CDH22: variants seen among roughly 807,000 people sequenced by gnomAD.
The protein encoded by CDH22 is cadherin-22.
CDH22 carries 30 observed loss-of-function variants against 58.4 expected under a neutral mutation model. That is an observed-to-expected ratio of 0.51 (90% CI 0.38 to 0.70). The LOEUF (loss-of-function observed/expected upper bound fraction) is 0.70, where lower values mean the gene tolerates loss of function less well. Ranked by LOEUF, CDH22 falls within the 30% of genes least tolerant of loss-of-function variation. CDH22 has a pLI of 0.00. For missense variants in CDH22, 1,014 were observed against 1,233.9 expected, an observed-to-expected ratio of 0.82 and a Z score of 2.67; for synonymous variants, 513 against 558.2, an observed-to-expected ratio of 0.92 and a Z score of 1.14.
Position 46,174,854 on chromosome 20 carries a change from G to GCCC in CDH22, c.2136_2138dup (p.Gly713dup). ...GGGGGCTGCCCGCGCCCCCGCCCGAGCCCCCGCCCGCTCCCCCGCCCGCGC... is the reference window on the plus strand; with the variant it reads ...GGGGGCTGCCCGCGCCCCCGCCCGAGCCCCCCCCGCCCGCTCCCCCGCCCGCGC... On this transcript the variant is annotated inframe_insertion, in exon 12 of 12. Coordinates refer to ENST00000537909, the MANE Select transcript of CDH22 (RefSeq NM_021248.3). The surrounding 1 kb of genome is among the most constrained non-coding windows in gnomAD (Gnocchi z 4.4). The GCCC allele has an allele frequency of 9.0e-7, 1 of 1,113,906 alleles. No individual in the cohort carries two copies. 69.0% of individuals were successfully genotyped at this position (1,113,906 alleles called of 1,614,324 possible).
At position 46,216,747 on chromosome 20, in the gene CDH22, A is replaced by C; in HGVS notation, c.838+79T>G. On this transcript the variant is annotated intron_variant, in intron 5 of 11. Coordinates refer to ENST00000537909, the MANE Select transcript of CDH22 (RefSeq NM_021248.3). This position sits in a 1 kb window ranked among gnomAD's most constrained non-coding sequence, Gnocchi z 5.3. ...TCTTTTGGTGGGAAGTCTAAAGGGA[A>C]GCTGGGGTCAGCAGGTGGCTTGGAT... The C allele has an allele frequency of 7.4e-7, 1 of 1,346,390 alleles. No individual in the cohort carries two copies. The allele number at this position is 1,346,390 out of a possible 1,614,324, so 83.4% of individuals were successfully genotyped here.
At chr20:46,301,151 T>C (rs893254253) in intron 1 of CDH22, among the ~76,000 whole-genome samples, 4 of 152,086 alleles carry the variant, frequency 2.6e-5, no homozygotes, top group Admixed American at 6.6e-5. Flanking sequence ...TTATGGCTAA[T>C]TAAAAATGCT....
At chr20:46,292,659 A>C (rs2086609455) in intron 1 of CDH22, among the ~76,000 whole-genome samples, 1 of 152,086 alleles carries the variant, frequency 6.6e-6, no homozygotes, top group Non-Finnish European at 1.5e-5. Flanking sequence ...TCAATCTGCC[A>C]TTCACCTTCA....
chr20:46,261,783 G>A (rs2086434334), intron 1 of CDH22, among the ~76,000 whole-genome samples: 1 of 152,100 alleles, frequency 6.6e-6, no homozygotes, highest in Non-Finnish European at 1.5e-5. Context: ...CTCCTTTTGG[G>A]CCAGAATAGC....
intron 1 of CDH22, among the ~76,000 whole-genome samples, chr20:46,268,692 G>A (rs2145755361): frequency 6.6e-6 from 1 of 152,348 alleles, no homozygotes; most frequent in African/African-American, 2.4e-5. Context: ...GAGGGGAGAG[G>A]CCAGAGATGG....
chr20:46,175,832 C>A (rs1176258809), intron 11 of CDH22, among the ~76,000 whole-genome samples: 1 of 152,204 alleles, frequency 6.6e-6, no homozygotes, highest in Admixed American at 6.5e-5. Flanking sequence ...AAAGCCACAG[C>A]TCTGTCATAG....
chr20:46,284,943 C>T (rs2086569311), intron 1 of CDH22, among the ~76,000 whole-genome samples: 1 of 152,162 alleles, frequency 6.6e-6, no homozygotes, highest in South Asian at 2.1e-4. Context: ...TTTTCCCTCA[C>T]TCCTCATCAG....
intron 2 of CDH22, among the ~76,000 whole-genome samples, chr20:46,247,665 G>A (rs1029390204): frequency 8.5e-5 from 13 of 152,124 alleles, no homozygotes; most frequent in Non-Finnish European, 1.3e-4. Context: ...GATACTGAGG[G>A]ACAACTGTAA....
intron 1 of CDH22, among the ~76,000 whole-genome samples, chr20:46,285,411 C>T (rs545999579): frequency 3.3e-5 from 5 of 152,328 alleles, no homozygotes; most frequent in Admixed American, 1.3e-4. Flanking sequence ...CCTTGCGACC[C>T]TTGGGACATT....
At chr20:46,287,509 T>A (rs2086581696) in intron 1 of CDH22, among the ~76,000 whole-genome samples, 1 of 151,500 alleles carries the variant, frequency 6.6e-6, no homozygotes, top group Admixed American at 6.6e-5. Flanking sequence ...GGCAGCCAGG[T>A]GGAGGGAACA....
chr20:46,258,135 G>T (rs1600719063), intron 1 of CDH22, among the ~76,000 whole-genome samples: 1 of 152,270 alleles, frequency 6.6e-6, no homozygotes, highest in Admixed American at 6.5e-5. Context: ...TGGGGCGGAG[G>T]TCATTAGTGA....
intron 8 of CDH22, among the ~76,000 whole-genome samples, chr20:46,195,992 C>G (rs2085898519): frequency 6.6e-6 from 1 of 152,178 alleles, no homozygotes. Flanking sequence ...GCCACCATGA[C>G]CCTCTGAGTT....
At chr20:46,219,644 C>T (rs539564941) in intron 4 of CDH22, among the ~76,000 whole-genome samples, 2 of 152,270 alleles carry the variant, frequency 1.3e-5, no homozygotes, top group South Asian at 4.2e-4. Context: ...GAGAACCACT[C>T]GTATAGGATT....
intron 1 of CDH22, among the ~76,000 whole-genome samples, chr20:46,287,096 G>A (rs2086579995): frequency 6.6e-6 from 1 of 152,100 alleles, no homozygotes. Flanking sequence ...TTAATATCAA[G>A]CAGAAAAGAC....
intron 11 of CDH22, among the ~76,000 whole-genome samples, chr20:46,175,942 G>A (rs1029786018): frequency 1.3e-5 from 2 of 152,236 alleles, no homozygotes; most frequent in African/African-American, 4.8e-5. Context: ...CTGGCATGCA[G>A]TAAGCACTTG....
chr20:46,245,743 C>T (rs1600714599), intron 2 of CDH22, among the ~76,000 whole-genome samples: 1 of 152,188 alleles, frequency 6.6e-6, no homozygotes, highest in African/African-American at 2.4e-5. Flanking sequence ...TCTTAAATCC[C>T]AGGTACAGAT....
rs191912510 is a variant in CDH22, at chr20:46,261,627, G to A, written c.-399-9934C>T. On this transcript the variant is annotated intron_variant, in intron 1 of 11. Coordinates refer to ENST00000537909, the MANE Select transcript of CDH22 (RefSeq NM_021248.3). The stretch of plus-strand genomic sequence containing the variant: ...GCTTGCCTGGCTTCCAGGGCTGCCA[G>A]TGGGAGCGGTGCCTGACAGTCTGGC... 7.2e-5 allele frequency among the ~76,000 whole-genome samples: 11 copies of A among 152,284 alleles called. No individual in the cohort carries two copies. The East Asian group carries it at 2.1e-3, about 29-fold the overall frequency.
intron 1 of CDH22, among the ~76,000 whole-genome samples, chr20:46,271,761 G>T (rs1374772773): frequency 3.9e-5 from 6 of 152,226 alleles, no homozygotes; most frequent in African/African-American, 1.4e-4. Flanking sequence ...CTTTGCAGGT[G>T]TGTCCTTCTC....
chr20:46,250,652 T>C (rs2086364694), intron 2 of CDH22, among the ~76,000 whole-genome samples: 1 of 152,198 alleles, frequency 6.6e-6, no homozygotes, highest in Non-Finnish European at 1.5e-5. Context: ...CAGATCTTTG[T>C]AGTCAATGGA....
Sources: allele counts gnomAD v4.1 joint callset (sites outside exome capture counted in the v4.1 genomes callset), GRCh38; gene constraint gnomAD v4.1.1; non-coding constraint Gnocchi (gnomAD v3.1); transcripts MANE v1.5; gene names NCBI Gene and HGNC (gene_info 2026-07-23, HGNC 2026-07-21).